The following ANKRD30B variants were observed in gnomAD, a reference collection of about 807,000 sequenced individuals.
The protein encoded by ANKRD30B is ankyrin repeat domain-containing protein 30B.
Under a neutral mutation model 202.2 loss-of-function variants are expected in ANKRD30B, and 144 were observed. The ratio of observed to expected loss-of-function variants is 0.71; its 90% confidence interval spans 0.62 to 0.82. The LOEUF is 0.82. Ranked by LOEUF, ANKRD30B falls within the 40% of genes least tolerant of loss-of-function variation. ANKRD30B has a pLI of 0.00. For synonymous variants in ANKRD30B, 508 were observed against 561.3 expected, an observed-to-expected ratio of 0.91 and a Z score of 1.34; for missense variants, 1,487 against 1,669.1, an observed-to-expected ratio of 0.89 and a Z score of 1.90.
chr18:14,884,074 AATAC>A, the ANKRD30B span: 2 of 132,540 alleles, frequency 1.5e-5, no homozygotes, highest in East Asian at 4.3e-4. Context: ...GCCTTTGTAT[AATAC>A]CCTCCTCATG....
intron 30 of ANKRD30B, among the ~76,000 whole-genome samples, chr18:14,820,885 G>A (rs1970379540): frequency 6.6e-6 from 1 of 152,208 alleles, no homozygotes. Flanking sequence ...CATAAAATGA[G>A]TTAGGGAGGA....
intron 7 of ANKRD30B, among the ~76,000 whole-genome samples, chr18:14,769,045 A>C (rs1251398545): frequency 6.6e-6 from 1 of 152,250 alleles, no homozygotes; most frequent in Non-Finnish European, 1.5e-5. Flanking sequence ...TCCCAAAGGA[A>C]ACCTTTATAT....
At chr18:14,850,454 G>A (rs1012084088) in intron 41 of ANKRD30B, 72 bp downstream of exon 41, 1 of 1,358,980 alleles carries the variant, frequency 7.4e-7, no homozygotes, top group Non-Finnish European at 9.8e-7. Flanking sequence ...ACATCCCTTT[G>A]ATTTAGTATG....
Position 14,780,002 on chromosome 18 carries a change from A to G in ANKRD30B, c.1463A>G (p.Glu488Gly), listed in dbSNP as rs1333658286. The change falls in exon 11 of 44, where the codon GAA becomes GGA. Residue 488 changes from glutamate (E) to glycine (G), a missense_variant. Coordinates refer to ENST00000690538, the MANE Select transcript of ANKRD30B (RefSeq NM_001367607.2). Reference protein sequence around the residue: ...PSESKREEDEEYSWDSGSLFE... With the variant: ...PSESKREEDEGYSWDSGSLFE... ...GAATCCAAACGAGAGGAAGATGAAG[A>G]ATATTCTTGGGATTCTGGGGTATTG... 1 of 1,605,612 alleles carries G rather than the reference A, an allele frequency of 6.2e-7. No homozygotes were observed. Among genetic ancestry groups the G allele is most frequent in the Non-Finnish European group, 8.5e-7 (1 of 1,174,168 alleles).
chr18:14,749,593 C>T (rs1355750142), intron 1 of ANKRD30B, among the ~76,000 whole-genome samples: 5 of 142,256 alleles, frequency 3.5e-5, no homozygotes, highest in East Asian at 2.2e-4. Flanking sequence ...ATTGCTTCAA[C>T]CTGGTAGGTG....
chr18:14,878,355 T>C, the ANKRD30B span, among the ~76,000 whole-genome samples: 14 of 141,412 alleles, frequency 9.9e-5, no homozygotes, highest in African/African-American at 3.4e-4. Flanking sequence ...ATCTAGAAAC[T>C]TTGTTTTGCA....
the ANKRD30B span, among the ~76,000 whole-genome samples, chr18:14,893,603 C>T: frequency 1.3e-5 from 2 of 150,426 alleles, no homozygotes; most frequent in South Asian, 2.1e-4. Flanking sequence ...AAGAGCTAGA[C>T]TCCATCTCAC....
At position 14,784,389 on chromosome 18, in the gene ANKRD30B, T is replaced by G. The variant is rs940378170; in HGVS notation, c.1599+25T>G. On this transcript the variant is annotated intron_variant, in intron 13 of 43. Coordinates refer to ENST00000690538, the MANE Select transcript of ANKRD30B (RefSeq NM_001367607.2). ...GGTATTTAGTTTTATGGTTTCATTTTGAATGACTTATTAACTATGTACTTT... is the reference window on the plus strand; with the variant it reads ...GGTATTTAGTTTTATGGTTTCATTTGGAATGACTTATTAACTATGTACTTT... The G allele has an allele frequency of 3.1e-6, 5 of 1,612,748 alleles. No individual in the cohort carries two copies. In the African/African-American group the frequency reaches 6.7e-5, roughly 22 times the overall value.
chr18:14,810,493 T>A (rs1390144843), intron 28 of ANKRD30B, among the ~76,000 whole-genome samples: 1 of 151,222 alleles, frequency 6.6e-6, no homozygotes, highest in Non-Finnish European at 1.5e-5. Flanking sequence ...TGAAATATTT[T>A]CAGTGGTTCA....
chr18:14,811,183 G>T (rs1438425503), intron 28 of ANKRD30B, among the ~76,000 whole-genome samples: 1 of 151,366 alleles, frequency 6.6e-6, no homozygotes, highest in Non-Finnish European at 1.5e-5. Flanking sequence ...TTGTTTTGAC[G>T]TCTTAAATTT....
chr18:14,758,014 A>G lies in ANKRD30B; in HGVS notation c.755+62A>G. 3 of 1,508,344 alleles carry G rather than the reference A, an allele frequency of 2.0e-6. No homozygotes were observed. The South Asian group carries it at 3.9e-5, about 20-fold the overall frequency. The allele number at this position is 1,508,344 out of a possible 1,614,324, so 93.4% of individuals were successfully genotyped here. On this transcript the variant is annotated intron_variant, in intron 5 of 43. Transcript: ENST00000690538. ...TTGTTTGTTTCAGGGAGTTTTTGAA[A>G]GACAGTGACTTAGTTCACTTCATCA...
At chr18:14,862,300 C>CA in the ANKRD30B span, among the ~76,000 whole-genome samples, 25,316 of 143,422 alleles carry the variant, frequency 0.18, 2,330 homozygotes, top group Admixed American at 0.21. Flanking sequence ...AAATTGGGAC[C>CA]AAAAAAACCA....
the ANKRD30B span, among the ~76,000 whole-genome samples, chr18:14,939,667 C>A: frequency 6.6e-6 from 1 of 152,240 alleles, no homozygotes; most frequent in Non-Finnish European, 1.5e-5. Flanking sequence ...CTGTAAATGG[C>A]AGACTTCAGT....
In ANKRD30B at chr18:14,756,807, G is replaced by A. The variant is rs369157369; in HGVS notation, c.618-1008G>A. 4.1e-4 allele frequency among the ~76,000 whole-genome samples: 63 copies of A among 152,182 alleles called. 1 individual carries two copies. The East Asian group carries it at 5.0e-3, about 12-fold the overall frequency. On this transcript the variant is annotated intron_variant, in intron 4 of 43. Coordinates refer to ENST00000690538, the MANE Select transcript of ANKRD30B (RefSeq NM_001367607.2). ...CTCAGGGGACTGAGGCACGAGAATC[G>A]CTTGAACCCAGAAGGCAGAGGTTGC...
chr18:14,786,515 C>T (rs1316870050), intron 14 of ANKRD30B, among the ~76,000 whole-genome samples: 1 of 152,170 alleles, frequency 6.6e-6, no homozygotes, highest in Admixed American at 6.5e-5. Flanking sequence ...ACACCCAATA[C>T]ACTGTCATAG....
At chr18:14,879,736 AGGGTTAG>A in the ANKRD30B span, among the ~76,000 whole-genome samples, 6 of 134,670 alleles carry the variant, frequency 4.5e-5, no homozygotes, top group Non-Finnish European at 6.3e-5. Flanking sequence ...TTAAGGGTCC[AGGGTTAG>A]GGGTTAGGGG....
At chr18:14,869,491 G>C in the ANKRD30B span, among the ~76,000 whole-genome samples, 4 of 151,978 alleles carry the variant, frequency 2.6e-5, no homozygotes, top group Non-Finnish European at 5.9e-5. Flanking sequence ...TAAAAGTTAA[G>C]ATGTCATAAT....
intron 22 of ANKRD30B, among the ~76,000 whole-genome samples, chr18:14,799,584 G>T (rs1969180826): frequency 6.6e-6 from 1 of 152,058 alleles, no homozygotes; most frequent in African/African-American, 2.4e-5. Context: ...TAAGGCAGGT[G>T]AATTTTGAAA....
intron 7 of ANKRD30B, among the ~76,000 whole-genome samples, chr18:14,767,225 CAT>C (rs1394282049): frequency 1.3e-5 from 2 of 152,132 alleles, no homozygotes; most frequent in Non-Finnish European, 2.9e-5. Flanking sequence ...CTCACACAAA[CAT>C]AAACAAACAC....
Sources: gnomAD v4.1 joint callset for allele counts (sites outside exome capture counted in the v4.1 genomes callset) on GRCh38, gnomAD v4.1.1 for gene constraint, MANE v1.5 for transcripts, NCBI Gene and HGNC (gene_info 2026-07-23, HGNC 2026-07-21) for gene names.